CADM2: variants seen among roughly 807,000 people sequenced by gnomAD.
CADM2 encodes cell adhesion molecule 2, also known as immunoglobulin superfamily member 4D.
A neutral mutation model predicts 49.8 loss-of-function variants in CADM2; 12 were observed. The ratio of observed to expected loss-of-function variants is 0.24; its 90% CI spans 0.15 to 0.39. The LOEUF (loss-of-function observed/expected upper bound fraction) is 0.39. CADM2 is among the 10% of genes least tolerant of loss of function. The pLI, the probability that CADM2 is intolerant of heterozygous loss-of-function variation, is 1.00. For synonymous variants in CADM2, 214 were observed against 175.4 expected (o/e 1.22, Z -1.74); for missense variants, 378 against 492.3 (o/e 0.77, Z 2.20).
rs539753200 is a variant in CADM2, at chr3:85,256,332, T to A, written c.61+296664T>A. ...GTGTCATTTTCATCAGCCTGAAAGATAAAATAAAACTTCCAGATCAGCAGT... is the reference window on the plus strand; with the variant it reads ...GTGTCATTTTCATCAGCCTGAAAGAAAAAATAAAACTTCCAGATCAGCAGT... On this transcript the variant is annotated intron_variant, in intron 1 of 9. Coordinates refer to ENST00000383699, the MANE Select transcript of CADM2 (RefSeq NM_001167675.2). Among the ~76,000 whole-genome samples the A allele has an allele frequency of 3.9e-5, 6 of 152,174 alleles. No homozygotes were observed. The South Asian group carries it at 1.2e-3, about 31-fold the overall frequency.
At chr3:85,505,460 T>G (rs2040307175) in intron 1 of CADM2, among the ~76,000 whole-genome samples, 1 of 152,146 alleles carries the variant, frequency 6.6e-6, no homozygotes, top group African/African-American at 2.4e-5. Flanking sequence ...TTAGGTAAAG[T>G]TCTCCTCTCT....
chr3:85,074,118 G>T (rs1041083824), intron 1 of CADM2, among the ~76,000 whole-genome samples: 1 of 151,970 alleles, frequency 6.6e-6, no homozygotes, highest in Non-Finnish European at 1.5e-5. Context: ...CAGAGCTCCC[G>T]TTACCACTTT....
chr3:85,238,978 C>G (rs1386093652), intron 1 of CADM2, among the ~76,000 whole-genome samples: 1 of 151,564 alleles, frequency 6.6e-6, no homozygotes, highest in Non-Finnish European at 1.5e-5. Flanking sequence ...AAGGTTAAAG[C>G]CAGAATTCCT....
chr3:85,984,959 A>AT (rs1170490879), intron 8 of CADM2, among the ~76,000 whole-genome samples: 1 of 152,030 alleles, frequency 6.6e-6, no homozygotes, highest in Non-Finnish European at 1.5e-5. Context: ...AAAAAAAAGG[A>AT]TTTTTTTAAA....
chr3:85,400,389 G>A (rs950371317), intron 1 of CADM2, among the ~76,000 whole-genome samples: 18 of 152,154 alleles, frequency 1.2e-4, no homozygotes, highest in African/African-American at 3.9e-4. Context: ...ATGTTCATCA[G>A]GGATATTGGT....
intron 1 of CADM2, among the ~76,000 whole-genome samples, chr3:85,344,172 G>T (rs570911969): frequency 6.6e-6 from 1 of 151,716 alleles, no homozygotes; most frequent in Non-Finnish European, 1.5e-5. Context: ...TCAGGAGATC[G>T]AGACCATCTT....
At chr3:85,884,379 T>C (rs1016883114) in intron 4 of CADM2, among the ~76,000 whole-genome samples, 1 of 152,218 alleles carries the variant, frequency 6.6e-6, no homozygotes, top group East Asian at 1.9e-4. Context: ...GTGCATAGGA[T>C]ATAAAACATT....
intron 8 of CADM2, among the ~76,000 whole-genome samples, chr3:86,027,514 A>C (rs1559810254): frequency 1.3e-5 from 2 of 152,214 alleles, no homozygotes; most frequent in South Asian, 4.1e-4. Context: ...TGTCATAGAA[A>C]CTATGCTCTC....
chr3:84,970,021 C>A (rs1212231315), intron 1 of CADM2, among the ~76,000 whole-genome samples: 1 of 148,006 alleles, frequency 6.8e-6, no homozygotes, highest in Non-Finnish European at 1.5e-5. Context: ...CTTGATCCAC[C>A]AGATTATGTG....
intron 1 of CADM2, among the ~76,000 whole-genome samples, chr3:85,226,850 G>T (rs535825103): frequency 6.6e-6 from 1 of 152,230 alleles, no homozygotes; most frequent in Non-Finnish European, 1.5e-5. Flanking sequence ...TGGTTTCAAA[G>T]AACATCTTTA....
At chr3:85,982,640 G>A (rs1166433076) in intron 8 of CADM2, among the ~76,000 whole-genome samples, 2 of 151,552 alleles carry the variant, frequency 1.3e-5, no homozygotes, top group African/African-American at 4.8e-5. Context: ...GATTCATTTA[G>A]TATGTAAACA....
intron 8 of CADM2, among the ~76,000 whole-genome samples, chr3:86,028,555 C>G (rs1734191386): frequency 6.6e-6 from 1 of 152,276 alleles, no homozygotes; most frequent in African/African-American, 2.4e-5. Context: ...ACACTCCTCT[C>G]TTTTAGAGAA....
At chr3:84,964,726 C>T (rs921240453) in intron 1 of CADM2, among the ~76,000 whole-genome samples, 1 of 152,142 alleles carries the variant, frequency 6.6e-6, no homozygotes, top group Non-Finnish European at 1.5e-5. Flanking sequence ...TTCCTGAGGG[C>T]AAGCTCTGAG....
intron 1 of CADM2, among the ~76,000 whole-genome samples, chr3:84,983,003 T>G (rs2032305050): frequency 6.6e-6 from 1 of 151,866 alleles, no homozygotes; most frequent in East Asian, 1.9e-4. Flanking sequence ...CGCTTCAGCC[T>G]CCCAAAGTCC....
chr3:86,038,972 A>G (rs1457404034), intron 8 of CADM2, among the ~76,000 whole-genome samples: 1 of 152,204 alleles, frequency 6.6e-6, no homozygotes, highest in Non-Finnish European at 1.5e-5. Flanking sequence ...AGAATCTGGA[A>G]GGTAGAACAG....
chr3:85,322,938 A>C (rs2044654570), intron 1 of CADM2, among the ~76,000 whole-genome samples: 1 of 152,200 alleles, frequency 6.6e-6, no homozygotes, highest in Admixed American at 6.5e-5. Context: ...AATAAAACTG[A>C]ATATTGGTTC....
chr3:85,624,842 T>C (rs2064078439), intron 1 of CADM2, among the ~76,000 whole-genome samples: 1 of 152,120 alleles, frequency 6.6e-6, no homozygotes, highest in Non-Finnish European at 1.5e-5. Context: ...TTAGTAGGTG[T>C]ATATATTTAT....
chr3:86,045,885 AG>A (rs1736614995), intron 8 of CADM2, among the ~76,000 whole-genome samples: 1 of 152,164 alleles, frequency 6.6e-6, no homozygotes. Flanking sequence ...AAGAAGTCTC[AG>A]GGACAGCAGA....
chr3:85,511,156 A>G (rs762280376), intron 1 of CADM2, among the ~76,000 whole-genome samples: 7 of 152,182 alleles, frequency 4.6e-5, no homozygotes, highest in Non-Finnish European at 7.4e-5. Flanking sequence ...CTAGGAAGGG[A>G]CCAATATGCC....
Sources: allele counts gnomAD v4.1 joint callset (sites outside exome capture counted in the v4.1 genomes callset), GRCh38; gene constraint gnomAD v4.1.1; transcripts MANE v1.5; gene names NCBI Gene and HGNC (gene_info 2026-07-23, HGNC 2026-07-21).